TRAF2: variants seen among roughly 807,000 people sequenced by gnomAD.
TRAF2 encodes the protein TNF receptor-associated factor 2.
A neutral mutation model predicts 55.6 loss-of-function variants in TRAF2; 6 were observed. That is an observed-to-expected ratio of 0.11 (90% CI 0.06 to 0.21). The LOEUF (loss-of-function observed/expected upper bound fraction) is 0.21. TRAF2 is among the 10% of genes least tolerant of loss of function. The probability of loss-of-function intolerance (pLI) is 1.00; values close to 1 mark genes in which losing one functional copy is unlikely to be tolerated. For missense variants in TRAF2, 561 were observed against 684.5 expected, an observed-to-expected ratio of 0.82 and a Z score of 2.01; for synonymous variants, 329 against 276.3, an observed-to-expected ratio of 1.19 and a Z score of -1.89.
At chr9:136,886,309 C>T (rs1157139295), upstream of TRAF2, 1 of 811,040 alleles carries the variant, frequency 1.2e-6, no homozygotes, top group African/African-American at 1.9e-5. Flanking sequence ...GCCGACCAAT[C>T]GGCGCACGCT....
chr9:136,893,790 C>T (rs943010008), intron 1 of TRAF2, among the ~76,000 whole-genome samples: 6 of 152,102 alleles, frequency 3.9e-5, no homozygotes, highest in Admixed American at 6.6e-5. Flanking sequence ...CACTGCAATG[C>T]GCAGGCTGGA....
At chr9:136,910,868 G>A (rs934357882) in intron 6 of TRAF2, among the ~76,000 whole-genome samples, 5 of 152,220 alleles carry the variant, frequency 3.3e-5, no homozygotes, top group Non-Finnish European at 7.3e-5. Context: ...TAAATGTCCC[G>A]CACTGTGAGC....
chr9:136,926,489 G>GTCCCACGCCGCCTCTGC lies in TRAF2; in HGVS notation c.*591_*607dup, dbSNP rs1362969059. ...CAGGCTGGCTGTGGGAGAGGGTCTG[G>GTCCCACGCCGCCTCTGC]TCCCACGCCGCCTCTGCTCAGACCA... is the stretch of plus-strand genomic sequence containing the variant. On this transcript the variant is annotated 3_prime_UTR_variant, in exon 11 of 11. Transcript: ENST00000247668. 367 of 230,350 alleles carry GTCCCACGCCGCCTCTGC rather than the reference G, an allele frequency of 1.6e-3. 2 individuals are homozygous for GTCCCACGCCGCCTCTGC. Among genetic ancestry groups the GTCCCACGCCGCCTCTGC allele is most frequent in the African/African-American group, 7.7e-3 (348 of 45,030 alleles). 14.3% of individuals were successfully genotyped at this position (230,350 alleles called of 1,614,324 possible).
intron 4 of TRAF2, chr9:136,902,299 T>C (rs1849839995): frequency 1.3e-5 from 2 of 152,298 alleles, no homozygotes; most frequent in African/African-American, 2.4e-5. Flanking sequence ...AGGGTCAGGG[T>C]CTCCCTGGGA....
intron 6 of TRAF2, among the ~76,000 whole-genome samples, chr9:136,911,710 C>T (rs919557133): frequency 6.6e-6 from 1 of 151,972 alleles, no homozygotes; most frequent in Non-Finnish European, 1.5e-5. Flanking sequence ...CAATGCAGGC[C>T]GACATATAGG....
rs532036825 is a variant in TRAF2 at position 136,910,319 on chromosome 9, T to C, written c.603+325T>C. 2.0e-4 allele frequency among the ~76,000 whole-genome samples: 30 copies of C among 152,300 alleles called. No homozygotes were observed. The South Asian group carries it at 6.0e-3, about 30-fold the overall frequency. ...CCCTCCATGTGCTGCTTATGAGAAA[T>C]GTTGTTACTGACTTTGAAGCTGAAT... On this transcript the variant is annotated intron_variant, in intron 6 of 10. Transcript: ENST00000247668.
At chr9:136,887,858 A>G (rs1849489052) in intron 1 of TRAF2, among the ~76,000 whole-genome samples, 1 of 152,148 alleles carries the variant, frequency 6.6e-6, no homozygotes, top group African/African-American at 2.4e-5. Context: ...GGGGTTACAT[A>G]TAAAATTGTA....
At chr9:136,889,835 C>G (rs1230587004) in intron 1 of TRAF2, 1 of 151,994 alleles carries the variant, frequency 6.6e-6, no homozygotes, top group Admixed American at 6.6e-5. Flanking sequence ...CCTGCATGCT[C>G]ATTCAGTCGG....
chr9:136,904,565 T>C (rs1401490758), intron 4 of TRAF2, among the ~76,000 whole-genome samples: 1 of 151,908 alleles, frequency 6.6e-6, no homozygotes, highest in African/African-American at 2.4e-5. Context: ...ACCACCACTC[T>C]CGGCTAATTT....
In TRAF2 at chr9:136,923,895, C is replaced by T. The variant is rs776376824; in HGVS notation, c.1182C>T (p.Ile394=). ...SRYGYKMCLR[I]YLNGDGTGRG... is the part of the protein sequence containing the mutation. ...ACGGCTACAAGATGTGTCTGCGTAT[C>T]TACCTGAACGGCGACGGCACCGGGC... is the stretch of plus-strand genomic sequence containing the variant. The change falls in exon 10 of 11, where the codon ATC becomes ATT. Residue 394 remains isoleucine, a synonymous_variant. Coordinates refer to ENST00000247668, the MANE Select transcript of TRAF2 (RefSeq NM_021138.4). 1.2e-6 allele frequency: 2 copies of T among 1,613,976 alleles called. No individual in the cohort carries two copies. The highest frequency in any genetic ancestry group is 1.1e-5 in the South Asian group (1 of 91,072).
At chr9:136,896,770 G>A (rs369614551) in intron 1 of TRAF2, among the ~76,000 whole-genome samples, 15 of 152,006 alleles carry the variant, frequency 9.9e-5, no homozygotes, top group East Asian at 7.7e-4. Flanking sequence ...CGCCACGCCC[G>A]GCTAATTTTT....
chr9:136,884,432 C>T (rs536557602), upstream of TRAF2, among the ~76,000 whole-genome samples: 1 of 152,008 alleles, frequency 6.6e-6, no homozygotes, highest in African/African-American at 2.4e-5. Flanking sequence ...TAGCGGTGTG[C>T]GCCGGTAGTC....
chr9:136,915,549 C>T (rs1202425978), intron 6 of TRAF2, among the ~76,000 whole-genome samples: 1 of 152,080 alleles, frequency 6.6e-6, no homozygotes, highest in Non-Finnish European at 1.5e-5. Context: ...CATGAGTCAC[C>T]GAGAGCTGAT....
intron 10 of TRAF2, among the ~76,000 whole-genome samples, chr9:136,924,779 G>T (rs17250855): frequency 0.019 from 2,905 of 152,024 alleles, 29 homozygotes; most frequent in Non-Finnish European, 0.03. Flanking sequence ...TTGCTCTGTC[G>T]CCCAGGCTGG....
At chr9:136,898,279 C>T (rs1198745240) in intron 1 of TRAF2, among the ~76,000 whole-genome samples, 2 of 152,204 alleles carry the variant, frequency 1.3e-5, no homozygotes, top group African/African-American at 2.4e-5. Flanking sequence ...AGATATATTT[C>T]AGAAGGCATC....
chr9:136,907,174 A>G (rs564602729), intron 4 of TRAF2, among the ~76,000 whole-genome samples: 1 of 152,318 alleles, frequency 6.6e-6, no homozygotes, highest in South Asian at 2.1e-4. Flanking sequence ...CACCCTGGCC[A>G]TCTGTGGACG....
intron 8 of TRAF2, 136 bp downstream of exon 8, chr9:136,920,651 A>T (rs1266189992): frequency 1.6e-6 from 2 of 1,241,204 alleles, no homozygotes; most frequent in Non-Finnish European, 2.2e-6. Context: ...ACCCCAGTCC[A>T]GTGTGGTTTA....
chr9:136,893,998 T>G (rs1849631948), intron 1 of TRAF2, among the ~76,000 whole-genome samples: 1 of 151,840 alleles, frequency 6.6e-6, no homozygotes, highest in African/African-American at 2.4e-5. Flanking sequence ...TTCTCCTGCC[T>G]TGGCCTCCGA....
chr9:136,883,863 C>T (rs1588410689), upstream of TRAF2, among the ~76,000 whole-genome samples: 1 of 148,426 alleles, frequency 6.7e-6, no homozygotes, highest in South Asian at 2.1e-4. Context: ...TGCTCTGTCG[C>T]CAGGCTGGAG....
Sources: allele counts gnomAD v4.1 joint callset (sites outside exome capture counted in the v4.1 genomes callset), GRCh38; gene constraint gnomAD v4.1.1; transcripts MANE v1.5; gene names NCBI Gene and HGNC (gene_info 2026-07-23, HGNC 2026-07-21).